Variants in SCRN1 observed in about 807,000 individuals in gnomAD.
SCRN1 encodes secernin 1.
SCRN1 carries 19 observed loss-of-function variants against 43.3 expected under a neutral mutation model. That is an observed-to-expected ratio of 0.44 (90% CI 0.31 to 0.64). SCRN1 has a LOEUF of 0.64. Among genes scored for constraint, SCRN1 ranks in the 30% least tolerant of loss-of-function variants. The probability of loss-of-function intolerance (pLI) is 0.09; values close to 1 mark genes in which losing one functional copy is unlikely to be tolerated. For missense variants in SCRN1, 447 were observed against 524.1 expected (o/e 0.85, Z 1.44); for synonymous variants, 183 against 188.9 (o/e 0.97, Z 0.26).
intron 3 of SCRN1, among the ~76,000 whole-genome samples, chr7:29,948,071 G>A (rs1416918973): frequency 6.6e-6 from 1 of 152,224 alleles, no homozygotes; most frequent in Non-Finnish European, 1.5e-5. Context: ...GATAACACAG[G>A]TGATGGATGT....
intron 1 of SCRN1, 173 bp from the exon 2 acceptor site, chr7:29,969,241 A>ATGCGG: frequency 3.1e-6 from 2 of 642,330 alleles, no homozygotes; most frequent in South Asian, 2.3e-5. Context: ...CAGTGGAATG[A>ATGCGG]CAGAGCCACC....
intron 1 of SCRN1, 157 bp from the exon 2 acceptor site, chr7:29,969,225 C>A: frequency 2.5e-6 from 2 of 794,650 alleles, no homozygotes; most frequent in Non-Finnish European, 3.9e-6. Context: ...GAAGGTGGGA[C>A]GCCTGCAGTG....
At chr7:29,966,375 T>C (rs1788499137) in intron 2 of SCRN1, among the ~76,000 whole-genome samples, 1 of 152,194 alleles carries the variant, frequency 6.6e-6, no homozygotes, top group Non-Finnish European at 1.5e-5. Flanking sequence ...AGAAGGGCAC[T>C]TGGGATGGGA....
intron 1 of SCRN1, among the ~76,000 whole-genome samples, chr7:29,984,382 G>A (rs1789087155): frequency 6.6e-6 from 1 of 150,948 alleles, no homozygotes; most frequent in Non-Finnish European, 1.5e-5. Context: ...AATTCAACAA[G>A]GAAAATATAG....
intron 6 of SCRN1, 152 bp downstream of exon 6, chr7:29,936,404 T>G: frequency 1.8e-6 from 1 of 547,748 alleles, no homozygotes; most frequent in Non-Finnish European, 3.1e-6. Context: ...ATCAAAGCCC[T>G]TGGTGCTACA....
At chr7:29,980,121 T>C (rs985644773) in intron 1 of SCRN1, among the ~76,000 whole-genome samples, 1 of 152,206 alleles carries the variant, frequency 6.6e-6, no homozygotes, top group African/African-American at 2.4e-5. Context: ...CATGTACAGT[T>C]ATGAGGATTA....
chr7:29,941,297 C>T (rs772823400), intron 4 of SCRN1, among the ~76,000 whole-genome samples: 1 of 152,218 alleles, frequency 6.6e-6, no homozygotes, highest in Admixed American at 6.5e-5. Context: ...TCCTCTACAG[C>T]AATGCTCTAT....
intron 5 of SCRN1, among the ~76,000 whole-genome samples, chr7:29,937,021 G>C (rs1216289835): frequency 1.3e-5 from 2 of 152,182 alleles, no homozygotes; most frequent in Non-Finnish European, 2.9e-5. Context: ...ACTCCAGCCT[G>C]GGCGACAGAG....
Position 29,936,715 on chromosome 7 carries a change from A to T in SCRN1, c.746T>A (p.Ile249Asn). The part of the protein sequence containing the change: ...KDSLEKQEES[I>N]TVQTMMNTLR... ...GGTGTTCATCATAGTCTGCACTGTGATGCTTTCTGCAAAAACACAAAAGAC... is the reference window on the plus strand; with the variant it reads ...GGTGTTCATCATAGTCTGCACTGTGTTGCTTTCTGCAAAAACACAAAAGAC... The change falls in exon 6 of 8, where the codon ATC (isoleucine) becomes AAC (asparagine). Residue 249 changes from isoleucine (I) to asparagine (N), a missense_variant. By Grantham distance (149) the Ile-to-Asn change is moderately radical (BLOSUM62 -3). Transcript: ENST00000242059. 2 of 1,536,340 alleles carry T rather than the reference A, an allele frequency of 1.3e-6. No homozygotes were observed. Among genetic ancestry groups the T allele is most frequent in the Non-Finnish European group, 1.8e-6 (2 of 1,127,664 alleles).
chr7:29,962,023 C>T (rs1193014719), intron 2 of SCRN1, among the ~76,000 whole-genome samples: 2 of 151,802 alleles, frequency 1.3e-5, no homozygotes, highest in Non-Finnish European at 2.9e-5. Context: ...GGAGTCCACA[C>T]GACTTTTTCC....
chr7:29,941,355 A>C (rs770778143), intron 4 of SCRN1, among the ~76,000 whole-genome samples: 18 of 152,226 alleles, frequency 1.2e-4, no homozygotes, highest in Non-Finnish European at 1.9e-4. Context: ...TTTCACCTGG[A>C]AAAACACTTT....
chr7:29,936,930 C>T (rs1025110788), intron 5 of SCRN1, among the ~76,000 whole-genome samples: 5 of 152,100 alleles, frequency 3.3e-5, no homozygotes, highest in Admixed American at 6.5e-5. Context: ...CCTGTAGTCC[C>T]AGCTACTTGG....
intron 2 of SCRN1, among the ~76,000 whole-genome samples, chr7:29,956,299 C>T (rs1788134186): frequency 1.3e-5 from 2 of 152,186 alleles, no homozygotes; most frequent in African/African-American, 4.8e-5. Flanking sequence ...TTGTGACCCA[C>T]GGCAGAGGAA....
intron 6 of SCRN1, among the ~76,000 whole-genome samples, chr7:29,928,640 C>A (rs1787053635): frequency 6.6e-6 from 1 of 152,094 alleles, no homozygotes; most frequent in African/African-American, 2.4e-5. Context: ...TGCCAGGCTG[C>A]GCCCACCTGC....
rs1022142072 is a variant in SCRN1, at chr7:29,965,501, C to T, written c.159+3408G>A. On this transcript the variant is annotated intron_variant, in intron 2 of 7. Transcript: ENST00000242059. The surrounding 1 kb of genome is among the most constrained non-coding windows in gnomAD (Gnocchi z 4.2). ...TGGGGATGGGGGAAGTGAGGGTCGA[C>T]GTTTCCCGTGGGCTTCTAGTATAAA... Among the ~76,000 whole-genome samples the T allele has an allele frequency of 6.6e-6, 1 of 152,128 alleles. No individual in the cohort carries two copies. Among genetic ancestry groups the T allele is most frequent in the Non-Finnish European group, 1.5e-5 (1 of 68,032 alleles).
chr7:29,925,172 T>A (rs1012075218), intron 7 of SCRN1, among the ~76,000 whole-genome samples: 3 of 152,142 alleles, frequency 2.0e-5, no homozygotes, highest in Non-Finnish European at 4.4e-5. Context: ...TGCTTCCGAT[T>A]ATCTGCCAGC....
At chr7:29,924,567 C>T (rs1438267658) in intron 7 of SCRN1, among the ~76,000 whole-genome samples, 2 of 152,214 alleles carry the variant, frequency 1.3e-5, no homozygotes, top group Admixed American at 1.3e-4. Context: ...TTCCTCTTCC[C>T]CGCACAGTGC....
chr7:29,959,351 G>A (rs1788233584), intron 2 of SCRN1, among the ~76,000 whole-genome samples: 1 of 152,158 alleles, frequency 6.6e-6, no homozygotes, highest in Non-Finnish European at 1.5e-5. Flanking sequence ...TTAAAACTTT[G>A]TAGCTCTAAA....
intron 3 of SCRN1, among the ~76,000 whole-genome samples, chr7:29,953,092 T>C (rs529236069): frequency 6.6e-6 from 1 of 152,364 alleles, no homozygotes; most frequent in East Asian, 1.9e-4. Flanking sequence ...CCTCAAAGCA[T>C]TCCCAAATAT....
Sources: gnomAD v4.1 joint callset for allele counts (sites outside exome capture counted in the v4.1 genomes callset) on GRCh38, gnomAD v4.1.1 for gene constraint, Gnocchi (gnomAD v3.1) non-coding constraint, MANE v1.5 for transcripts, NCBI Gene and HGNC (gene_info 2026-07-23, HGNC 2026-07-21) for gene names.